The following ROBO2 variants were observed in gnomAD, a reference collection of about 807,000 sequenced individuals.
ROBO2 encodes the protein roundabout homolog 2.
ROBO2 carries 53 observed loss-of-function variants against 160.8 expected under a neutral mutation model. The observed-to-expected ratio is 0.33, with a 90% CI of 0.26 to 0.41. The LOEUF (loss-of-function observed/expected upper bound fraction) is 0.41. ROBO2 is among the 10% of genes least tolerant of loss of function. ROBO2 has a pLI of 1.00. For synonymous variants in ROBO2, 664 were observed against 611.7 expected, an observed-to-expected ratio of 1.09 and a Z score of -1.26; for missense variants, 1,577 against 1,722.4, an observed-to-expected ratio of 0.92 and a Z score of 1.49.
chr3:77,045,980 C>T (rs1559895349), intron 1 of ROBO2, among the ~76,000 whole-genome samples: 1 of 152,160 alleles, frequency 6.6e-6, no homozygotes, highest in South Asian at 2.1e-4. Context: ...AAACAATATT[C>T]CTTATCATCT....
At chr3:76,344,918 G>GT (rs1303440853) in intron 2 of ROBO2, among the ~76,000 whole-genome samples, 1 of 152,076 alleles carries the variant, frequency 6.6e-6, no homozygotes, top group African/African-American at 2.4e-5. Context: ...CCCTAAAGCA[G>GT]TAAGTATTTA....
At chr3:77,360,307 AT>A (rs2069772213) in intron 2 of ROBO2, among the ~76,000 whole-genome samples, 1 of 150,366 alleles carries the variant, frequency 6.7e-6, no homozygotes, top group South Asian at 2.2e-4. Flanking sequence ...ATAAGTAGCA[AT>A]GAATTTGACA....
chr3:77,135,128 C>A (rs2076174432), intron 2 of ROBO2, among the ~76,000 whole-genome samples: 2 of 152,176 alleles, frequency 1.3e-5, no homozygotes, highest in African/African-American at 4.8e-5. Context: ...ATTACACCTC[C>A]TGACAACTCT....
chr3:77,040,826 T>G, exon 1 of ROBO2: 1 of 1,614,186 alleles, frequency 6.2e-7, no homozygotes, highest in Non-Finnish European at 8.5e-7. Flanking sequence ...CTCTGTGGAT[T>G]TTTATATGTT....
At chr3:76,029,334 T>C (rs2066843301) in intron 2 of ROBO2, among the ~76,000 whole-genome samples, 1 of 152,062 alleles carries the variant, frequency 6.6e-6, no homozygotes, top group African/African-American at 2.4e-5. Flanking sequence ...CCTAAATATT[T>C]GAAAATCTAT....
chr3:77,254,440 CTT>C (rs74266995), intron 2 of ROBO2, among the ~76,000 whole-genome samples: 3 of 146,094 alleles, frequency 2.1e-5, no homozygotes. Flanking sequence ...TAAAATACTT[CTT>C]TTTTTTTTTT....
At chr3:77,180,990 CAA>C (rs2080729013) in intron 2 of ROBO2, among the ~76,000 whole-genome samples, 1 of 152,040 alleles carries the variant, frequency 6.6e-6, no homozygotes, top group Non-Finnish European at 1.5e-5. Context: ...CTGCCAAACT[CAA>C]CAGACACCAT....
intron 1 of ROBO2, among the ~76,000 whole-genome samples, chr3:77,077,807 G>A (rs1238206503): frequency 6.6e-6 from 1 of 152,172 alleles, no homozygotes; most frequent in African/African-American, 2.4e-5. Flanking sequence ...GAGTGTACTG[G>A]TGGCTCAGCT....
At chr3:77,491,363 A>G (rs1050279518) in intron 4 of ROBO2, among the ~76,000 whole-genome samples, 2 of 152,140 alleles carry the variant, frequency 1.3e-5, no homozygotes, top group African/African-American at 4.8e-5. Context: ...AGTGTCTCAA[A>G]CCTCTTTAAC....
At chr3:76,042,861 C>T (rs1023818315) in intron 2 of ROBO2, among the ~76,000 whole-genome samples, 1 of 152,006 alleles carries the variant, frequency 6.6e-6, no homozygotes, top group East Asian at 1.9e-4. Context: ...AAATCAATCA[C>T]GACCCTTTCT....
intron 2 of ROBO2, among the ~76,000 whole-genome samples, chr3:76,078,186 T>G (rs908721991): frequency 1.3e-5 from 2 of 152,138 alleles, no homozygotes; most frequent in Admixed American, 1.3e-4. Flanking sequence ...GGTTGTGAGG[T>G]AGGTCATATT....
chr3:76,016,316 C>T (rs531827956), intron 2 of ROBO2, among the ~76,000 whole-genome samples: 4 of 151,096 alleles, frequency 2.6e-5, no homozygotes, highest in African/African-American at 2.4e-5. Context: ...AGTGTGATAT[C>T]GAAGCTCAAT....
rs548812152 is a variant in ROBO2, at chr3:77,548,787, T to C, written c.1060-2031T>C. 1.3e-4 allele frequency among the ~76,000 whole-genome samples: 20 copies of C among 150,304 alleles called. No individual in the cohort carries two copies. The South Asian group carries it at 4.2e-3, about 32-fold the overall frequency. ...GAGGTAGAGATAGAGAGGGATGTGG[T>C]GGGAGAGAAAGAGAGAGAGAGAGAG... On this transcript the variant is annotated intron_variant, in intron 7 of 25. Coordinates refer to ENST00000461745, the Ensembl canonical transcript of ROBO2.
chr3:77,562,072 C>T (rs1476010099), intron 9 of ROBO2, among the ~76,000 whole-genome samples: 1 of 151,960 alleles, frequency 6.6e-6, no homozygotes, highest in African/African-American at 2.4e-5. Context: ...CATTGCACTC[C>T]AGCCTAGGCA....
chr3:76,290,028 A>G (rs1373075175), intron 2 of ROBO2, among the ~76,000 whole-genome samples: 1 of 152,142 alleles, frequency 6.6e-6, no homozygotes, highest in Non-Finnish European at 1.5e-5. Flanking sequence ...TAATTCTATA[A>G]AAACTGTCAT....
At chr3:76,409,137 CA>C (rs1397886418) in intron 2 of ROBO2, among the ~76,000 whole-genome samples, 2 of 151,952 alleles carry the variant, frequency 1.3e-5, no homozygotes, top group Non-Finnish European at 2.9e-5. Context: ...TTGCTATACA[CA>C]AAACTAAGCA....
At chr3:76,970,683 G>A (rs2059531094) in intron 2 of ROBO2, among the ~76,000 whole-genome samples, 1 of 152,088 alleles carries the variant, frequency 6.6e-6, no homozygotes, top group African/African-American at 2.4e-5. Context: ...TTCAGTATTA[G>A]CATTTTAAAT....
intron 2 of ROBO2, among the ~76,000 whole-genome samples, chr3:77,018,767 C>A (rs2062439728): frequency 6.6e-6 from 1 of 152,088 alleles, no homozygotes; most frequent in Non-Finnish European, 1.5e-5. Context: ...ACAAAAAAGA[C>A]AAATATTGTG....
chr3:75,917,840 G>A (rs1453181845), intron 1 of ROBO2, among the ~76,000 whole-genome samples: 4 of 151,774 alleles, frequency 2.6e-5, no homozygotes, highest in Non-Finnish European at 5.9e-5. Flanking sequence ...GTCTTCTTTT[G>A]AGAAGTGTCT....
Sources: gnomAD v4.1 joint callset for allele counts (sites outside exome capture counted in the v4.1 genomes callset) on GRCh38, gnomAD v4.1.1 for gene constraint, MANE v1.5 for transcripts, NCBI Gene and HGNC (gene_info 2026-07-23, HGNC 2026-07-21) for gene names.